The following FGD4 variants were observed in gnomAD, a reference collection of about 807,000 sequenced individuals.
The protein encoded by FGD4 is FYVE, RhoGEF and PH domain-containing protein 4.
FGD4 carries 42 observed loss-of-function variants against 102.0 expected under a neutral mutation model. The ratio of observed to expected loss-of-function variants is 0.41; its 90% CI spans 0.32 to 0.53. The LOEUF is 0.53. FGD4 is among the 20% of genes least tolerant of loss of function. The pLI, the probability that FGD4 is intolerant of heterozygous loss-of-function variation, is 0.21. For synonymous variants in FGD4, 380 were observed against 375.7 expected (o/e 1.01, Z -0.13); for missense variants, 902 against 1,078.2 (o/e 0.84, Z 2.29).
rs975205686 is a variant in FGD4, at chr12:32,549,090, G to C, written c.167-15047G>C. ...TAATATGTGGTGAAAAGGTTTTCCA[G>C]ACAAACACTGAGTTCAGAGTTAAGC... On this transcript the variant is annotated intron_variant, in intron 1 of 16. Transcript: ENST00000534526. Among the ~76,000 whole-genome samples the C allele has an allele frequency of 2.6e-5, 4 of 152,238 alleles. No homozygotes were observed. In the South Asian group the frequency reaches 8.3e-4, roughly 32 times the overall value.
intron 2 of FGD4, among the ~76,000 whole-genome samples, chr12:32,575,467 T>G (rs1946051553): frequency 6.6e-6 from 1 of 152,198 alleles, no homozygotes; most frequent in South Asian, 2.1e-4. Flanking sequence ...AAGAACCTAT[T>G]CACTATGGCA....
At chr12:32,599,534 CTTTTTTT>C (rs764106230) in intron 5 of FGD4, among the ~76,000 whole-genome samples, 3 of 35,356 alleles carry the variant, frequency 8.5e-5, no homozygotes, top group South Asian at 1.9e-3. Context: ...ACTAAGGCAT[CTTTTTTT>C]TTTTTTTTTT....
intron 1 of FGD4, among the ~76,000 whole-genome samples, chr12:32,459,637 A>T (rs1007261152): frequency 2.0e-5 from 3 of 152,216 alleles, no homozygotes; most frequent in Admixed American, 1.3e-4. Flanking sequence ...ATAAAAACTT[A>T]AAAAAGATTT....
At chr12:32,437,107 T>G (rs1937185788) in intron 1 of FGD4, among the ~76,000 whole-genome samples, 2 of 85,610 alleles carry the variant, frequency 2.3e-5, no homozygotes, top group African/African-American at 5.5e-5. Context: ...GGACTCCATG[T>G]CAAAAAAAAA....
At chr12:32,505,225 T>C (rs1008907165) in intron 1 of FGD4, among the ~76,000 whole-genome samples, 3 of 152,144 alleles carry the variant, frequency 2.0e-5, no homozygotes, top group Admixed American at 1.3e-4. Context: ...AATTGCCCTC[T>C]TGCTTTCTCC....
chr12:32,622,899 G>T (rs1949932028), intron 11 of FGD4, among the ~76,000 whole-genome samples: 1 of 152,174 alleles, frequency 6.6e-6, no homozygotes, highest in Non-Finnish European at 1.5e-5. Flanking sequence ...AGCCTATCAT[G>T]CTCTTTTAAG....
chr12:32,507,605 TTTTTCA>T (rs1938912094), intron 1 of FGD4, among the ~76,000 whole-genome samples: 2 of 152,346 alleles, frequency 1.3e-5, no homozygotes, highest in South Asian at 4.1e-4. Context: ...ATGTGTGTTC[TTTTTCA>T]AAGTCACAGT....
Position 32,564,325 on chromosome 12 carries a change from C to T in FGD4, c.319+36C>T, listed in dbSNP as rs776558630. ...TGGGAGTTTGTGTTCGGGGTGGGTA[C>T]GTTGTTGATCAATGAAGGCTAACCA... On this transcript the variant is annotated intron_variant, in intron 2 of 16. Coordinates refer to ENST00000534526, the MANE Select transcript of FGD4 (RefSeq NM_001370298.3). 28 of 1,527,286 alleles carry T rather than the reference C, an allele frequency of 1.8e-5. No homozygotes were observed. The Middle Eastern group carries it at 5.4e-4, about 30-fold the overall frequency. The allele number at this position is 1,527,286 out of a possible 1,614,324, so 94.6% of individuals were successfully genotyped here.
intron 2 of FGD4, among the ~76,000 whole-genome samples, chr12:32,567,406 T>A (rs1028027983): frequency 6.6e-6 from 1 of 152,112 alleles, no homozygotes; most frequent in Non-Finnish European, 1.5e-5. Context: ...TGCCCACACT[T>A]GCATATCCTC....
At chr12:32,497,450 T>C (rs1161252873) in intron 1 of FGD4, among the ~76,000 whole-genome samples, 1 of 152,120 alleles carries the variant, frequency 6.6e-6, no homozygotes, top group Non-Finnish European at 1.5e-5. Context: ...ATAGAAAATA[T>C]CTAAGGAGAT....
intron 2 of FGD4, among the ~76,000 whole-genome samples, chr12:32,570,377 A>G (rs551448267): frequency 6.6e-6 from 1 of 151,708 alleles, no homozygotes; most frequent in African/African-American, 2.4e-5. Context: ...TTTCCTGTCT[A>G]TATCCTTTGG....
intron 1 of FGD4, among the ~76,000 whole-genome samples, chr12:32,451,716 G>A (rs1942780295): frequency 6.6e-6 from 1 of 151,440 alleles, no homozygotes; most frequent in African/African-American, 2.4e-5. Flanking sequence ...AGACCAGCCT[G>A]GCCAACATGG....
chr12:32,488,176 A>G (rs1309380621), intron 1 of FGD4, among the ~76,000 whole-genome samples: 3 of 140,892 alleles, frequency 2.1e-5, no homozygotes, highest in African/African-American at 5.1e-5. Context: ...CAGCCACAGG[A>G]AAAAAAAAAA....
chr12:32,545,274 A>C (rs1943141769), intron 1 of FGD4, among the ~76,000 whole-genome samples: 1 of 152,232 alleles, frequency 6.6e-6, no homozygotes, highest in Non-Finnish European at 1.5e-5. Context: ...TTATCAGCCA[A>C]GATGTGCTAG....
At chr12:32,537,924 G>T (rs2136108355) in intron 1 of FGD4, among the ~76,000 whole-genome samples, 1 of 152,176 alleles carries the variant, frequency 6.6e-6, no homozygotes, top group East Asian at 1.9e-4. Flanking sequence ...TTGAGACAGA[G>T]TCTTTCTGTC....
chr12:32,558,774 A>G (rs973719018), intron 1 of FGD4, among the ~76,000 whole-genome samples: 4 of 152,230 alleles, frequency 2.6e-5, no homozygotes, highest in African/African-American at 4.8e-5. Flanking sequence ...CGAGGGAGCT[A>G]TATCAGTCAA....
intron 15 of FGD4, among the ~76,000 whole-genome samples, chr12:32,635,027 G>A (rs1160699891): frequency 6.6e-6 from 1 of 152,068 alleles, no homozygotes; most frequent in Non-Finnish European, 1.5e-5. Flanking sequence ...AGTATTTATT[G>A]AGCATTTACA....
chr12:32,464,710 A>G (rs1474104801), intron 1 of FGD4, among the ~76,000 whole-genome samples: 1 of 152,206 alleles, frequency 6.6e-6, no homozygotes, highest in Non-Finnish European at 1.5e-5. Context: ...TCCAATTTTT[A>G]TAGATGAAGA....
chr12:32,454,154 C>T (rs566556381), intron 1 of FGD4, among the ~76,000 whole-genome samples: 3 of 152,086 alleles, frequency 2.0e-5, no homozygotes, highest in Non-Finnish European at 2.9e-5. Flanking sequence ...ACACTGATAA[C>T]GAGACATGAG....
Sources: gnomAD v4.1 joint callset for allele counts (sites outside exome capture counted in the v4.1 genomes callset) on GRCh38, gnomAD v4.1.1 for gene constraint, MANE v1.5 for transcripts, NCBI Gene and HGNC (gene_info 2026-07-23, HGNC 2026-07-21) for gene names.